Variants in CRYZL1 observed in about 807,000 individuals in gnomAD.
CRYZL1 encodes crystallin zeta like 1.
A neutral mutation model predicts 50.6 loss-of-function variants in CRYZL1; 34 were observed. That is an observed-to-expected ratio of 0.67 (90% CI 0.51 to 0.89). The LOEUF (loss-of-function observed/expected upper bound fraction) is 0.89. Ranked by LOEUF, CRYZL1 falls within the 40% of genes least tolerant of loss-of-function variation. The pLI is 0.00. For missense variants in CRYZL1, 354 were observed against 402.3 expected (o/e 0.88, Z 1.03); for synonymous variants, 125 against 134.3 (o/e 0.93, Z 0.48).
intron 4 of CRYZL1, among the ~76,000 whole-genome samples, chr21:33,618,028 G>A (rs538728236): frequency 6.6e-6 from 1 of 152,210 alleles, no homozygotes; most frequent in African/African-American, 2.4e-5. Context: ...GGTGGCTCAC[G>A]CCTGTAATCC....
rs115740136 is a variant in CRYZL1, at chr21:33,615,025, G to A, written c.263-1419C>T. On this transcript the variant is annotated intron_variant, in intron 5 of 12. Coordinates refer to ENST00000381554, the MANE Select transcript of CRYZL1 (RefSeq NM_145858.3). Reference sequence around the variant, plus strand: ...GAAATAATCAATTCTCCAGGATAATGCCTGAGTCAAAGGCAATACTATAAA... The same window carrying A: ...GAAATAATCAATTCTCCAGGATAATACCTGAGTCAAAGGCAATACTATAAA... 9.3e-3 allele frequency among the ~76,000 whole-genome samples: 1,415 copies of A among 152,228 alleles called. 23 individuals are homozygous for A. The highest frequency in any genetic ancestry group is 0.032 in the African/African-American group (1,325 of 41,524).
intron 4 of CRYZL1, 63 bp from the exon 5 acceptor site, chr21:33,616,813 T>A: frequency 7.5e-7 from 1 of 1,338,388 alleles, no homozygotes; most frequent in Non-Finnish European, 1.0e-6. Context: ...TCTTATCTAT[T>A]AAAATACATT....
At chr21:33,594,214 C>A (rs1293962093) in intron 11 of CRYZL1, among the ~76,000 whole-genome samples, 1 of 147,588 alleles carries the variant, frequency 6.8e-6, no homozygotes, top group African/African-American at 2.5e-5. Context: ...AGTGCAGTGG[C>A]GCGATCTCAG....
chr21:33,621,675 A>G (rs2087004324), intron 4 of CRYZL1, among the ~76,000 whole-genome samples: 1 of 152,108 alleles, frequency 6.6e-6, no homozygotes, highest in Admixed American at 6.6e-5. Flanking sequence ...AAATTCACGA[A>G]TTTGTGTTGG....
intron 1 of CRYZL1, chr21:33,640,189 C>T: frequency 1.3e-6 from 2 of 1,548,192 alleles, no homozygotes; most frequent in Non-Finnish European, 1.7e-6. Context: ...TTCATTGGGT[C>T]TACAAAAAGA....
intron 2 of CRYZL1, among the ~76,000 whole-genome samples, chr21:33,627,931 G>C (rs1046721437): frequency 6.6e-6 from 1 of 151,956 alleles, no homozygotes; most frequent in Admixed American, 6.5e-5. Context: ...ATTTTTAGTA[G>C]AGACAGGGTT....
chr21:33,616,800 A>G (rs1355916392), intron 4 of CRYZL1, 50 bp from the exon 5 acceptor site: 6 of 1,386,690 alleles, frequency 4.3e-6, no homozygotes, highest in Non-Finnish European at 5.9e-6. Flanking sequence ...TATTAAATAT[A>G]ATTCTTATCT....
At chr21:33,621,475 G>A (rs2087000627) in intron 4 of CRYZL1, among the ~76,000 whole-genome samples, 1 of 151,792 alleles carries the variant, frequency 6.6e-6, no homozygotes, top group Admixed American at 6.6e-5. Flanking sequence ...CCGAGTAGCT[G>A]AGACTACAGG....
intron 1 of CRYZL1, chr21:33,640,316 G>A: frequency 7.3e-7 from 1 of 1,366,072 alleles, no homozygotes; most frequent in Admixed American, 2.4e-5. Flanking sequence ...TGGAACAGAG[G>A]CATCGATAAG....
At chr21:33,640,203 T>C (rs935544556) in intron 1 of CRYZL1, 5 of 1,547,872 alleles carry the variant, frequency 3.2e-6, no homozygotes, top group South Asian at 1.2e-5. Flanking sequence ...AAAAAGAGCA[T>C]AGTTAATCTT....
chr21:33,641,252 A>G (rs1230884839), intron 1 of CRYZL1: 2 of 1,550,560 alleles, frequency 1.3e-6, no homozygotes, highest in East Asian at 2.4e-5. Flanking sequence ...CATACAGCGA[A>G]TAACTACTAA....
chr21:33,607,230 G>A (rs1156242429), intron 6 of CRYZL1, among the ~76,000 whole-genome samples: 2 of 152,192 alleles, frequency 1.3e-5, no homozygotes, highest in African/African-American at 2.4e-5. Context: ...CTATTATCAA[G>A]TTTGAGAAAT....
At chr21:33,614,746 A>C (rs2086910303) in intron 5 of CRYZL1, among the ~76,000 whole-genome samples, 1 of 151,946 alleles carries the variant, frequency 6.6e-6, no homozygotes, top group South Asian at 2.1e-4. Flanking sequence ...TAATCTTTGT[A>C]TTATTAGTAG....
chr21:33,596,688 T>C (rs1491000991), intron 10 of CRYZL1, among the ~76,000 whole-genome samples: 1 of 151,870 alleles, frequency 6.6e-6, no homozygotes, highest in Non-Finnish European at 1.5e-5. Flanking sequence ...GTAAGTCACA[T>C]GTCTAAATCA....
intron 6 of CRYZL1, among the ~76,000 whole-genome samples, chr21:33,608,055 A>G (rs950073171): frequency 6.6e-6 from 1 of 152,246 alleles, no homozygotes; most frequent in African/African-American, 2.4e-5. Flanking sequence ...AATACTTAAC[A>G]TATTTTATGA....
chr21:33,602,281 C>A lies in CRYZL1; in HGVS notation c.530G>T (p.Cys177Phe), dbSNP rs1219886144. 6.2e-7 allele frequency: 1 copy of A among 1,612,408 alleles called. No homozygotes were observed. Among genetic ancestry groups the A allele is most frequent in the Non-Finnish European group, 8.5e-7 (1 of 1,178,594 alleles). Residue 177 changes from cysteine (C) to phenylalanine (F), a missense_variant, in exon 8 of 13, where the codon TGC becomes TTC. By Grantham distance (205) the Cys-to-Phe change is radical (BLOSUM62 -2). Transcript: ENST00000381554. Reference sequence around the variant, plus strand: ...AAGGCACTGCTTATCTTCAAGGCTGCATGCTGTTGAAATCACTTTGGCTCC... The same window carrying A: ...AAGGCACTGCTTATCTTCAAGGCTGAATGCTGTTGAAATCACTTTGGCTCC... Reference protein sequence around the residue: ...HRGAKVISTACSLEDKQCLER... With the variant: ...HRGAKVISTAFSLEDKQCLER...
At position 33,589,390 on chromosome 21, in the gene CRYZL1, T is replaced by C. The variant is rs1306582686; in HGVS notation, c.*432A>G. On this transcript the variant is annotated 3_prime_UTR_variant, in exon 13 of 13. Coordinates refer to ENST00000381554, the MANE Select transcript of CRYZL1 (RefSeq NM_145858.3). Reference sequence around the variant, plus strand: ...TTTAAGACTTCAAAATATACTCAAATGCTTAAATTATGACAGCAAAGACTT... The same window carrying C: ...TTTAAGACTTCAAAATATACTCAAACGCTTAAATTATGACAGCAAAGACTT... The C allele has an allele frequency of 5.0e-6, 1 of 200,392 alleles. No individual in the cohort carries two copies. Among genetic ancestry groups the C allele is most frequent in the African/African-American group, 2.3e-5 (1 of 43,346 alleles). 12.4% of individuals were successfully genotyped at this position (200,392 alleles called of 1,614,324 possible).
At position 33,640,206 on chromosome 21, in the gene CRYZL1, T is replaced by C. The variant is rs1052568204; in HGVS notation, c.-7+1475A>G. Reference sequence around the variant, plus strand: ...CATTGGGTCTACAAAAAGAGCATAGTTAATCTTAGAAATATTTCATTGCAC... The same window carrying C: ...CATTGGGTCTACAAAAAGAGCATAGCTAATCTTAGAAATATTTCATTGCAC... On this transcript the variant is annotated intron_variant, in intron 1 of 12. Coordinates refer to ENST00000381554, the MANE Select transcript of CRYZL1 (RefSeq NM_145858.3). 4.9e-5 allele frequency: 76 copies of C among 1,547,748 alleles called. No individual in the cohort carries two copies. The African/African-American group carries it at 8.0e-4, about 16-fold the overall frequency.
chr21:33,637,176 T>A (rs937374949), intron 1 of CRYZL1, among the ~76,000 whole-genome samples: 3 of 152,192 alleles, frequency 2.0e-5, no homozygotes, highest in Admixed American at 2.0e-4. Flanking sequence ...CTGGGCGCGG[T>A]GGCTCACGCC....
Sources: gnomAD v4.1 joint callset for allele counts (sites outside exome capture counted in the v4.1 genomes callset) on GRCh38, gnomAD v4.1.1 for gene constraint, MANE v1.5 for transcripts, NCBI Gene and HGNC (gene_info 2026-07-23, HGNC 2026-07-21) for gene names.